The following MAP3K13 variants were observed in gnomAD, a reference collection of about 807,000 sequenced individuals.
MAP3K13 encodes the protein leucine zipper-bearing kinase.
In MAP3K13, 52 loss-of-function variants were observed where a neutral mutation model predicts 104.0. The observed-to-expected ratio is 0.50, with a 90% CI of 0.40 to 0.63. The LOEUF is 0.63. MAP3K13 is among the 20% of genes least tolerant of loss of function. MAP3K13 has a pLI of 0.00. For synonymous variants in MAP3K13, 394 were observed against 442.2 expected, an observed-to-expected ratio of 0.89 and a Z score of 1.37; for missense variants, 914 against 1,218.5, an observed-to-expected ratio of 0.75 and a Z score of 3.72.
chr3:185,393,526 T>C (rs1036311706), intron 1 of MAP3K13, among the ~76,000 whole-genome samples: 3 of 151,618 alleles, frequency 2.0e-5, no homozygotes, highest in African/African-American at 7.3e-5. Context: ...TGGCGTGATC[T>C]CAGCTCACTG....
At chr3:185,301,068 G>A (rs1230370505) in intron 2 of MAP3K13, among the ~76,000 whole-genome samples, 1 of 152,022 alleles carries the variant, frequency 6.6e-6, no homozygotes, top group Non-Finnish European at 1.5e-5. Flanking sequence ...CCCACCAACA[G>A]TGTACAGAGA....
intron 2 of MAP3K13, among the ~76,000 whole-genome samples, chr3:185,345,070 C>T (rs1329680234): frequency 2.0e-5 from 3 of 152,102 alleles, no homozygotes; most frequent in African/African-American, 7.2e-5. Flanking sequence ...ACTATGTTGG[C>T]CAGGCTGGTC....
intron 12 of MAP3K13, among the ~76,000 whole-genome samples, chr3:185,479,241 A>T (rs1279855913): frequency 3.3e-5 from 5 of 152,202 alleles, no homozygotes; most frequent in African/African-American, 1.2e-4. Flanking sequence ...CTCCAGGGCC[A>T]CCATGCCCAG....
chr3:185,300,539 T>C (rs966731157), intron 2 of MAP3K13, among the ~76,000 whole-genome samples: 4 of 151,246 alleles, frequency 2.6e-5, no homozygotes, highest in Non-Finnish European at 5.9e-5. Context: ...TTGCCCAGGC[T>C]GGAGTGCAAT....
At chr3:185,430,608 A>G (rs1202516515) in intron 2 of MAP3K13, among the ~76,000 whole-genome samples, 1 of 152,210 alleles carries the variant, frequency 6.6e-6, no homozygotes, top group Non-Finnish European at 1.5e-5. Context: ...GACTCTGTCC[A>G]TGTCCTCGCA....
intron 1 of MAP3K13, among the ~76,000 whole-genome samples, chr3:185,399,653 AAAAAGGAG>A (rs1372825386): frequency 3.3e-4 from 1 of 3,026 alleles, no homozygotes; most frequent in African/African-American, 2.4e-3. Flanking sequence ...GGAGGGAGGA[AAAAAGGAG>A]GGAAGGAAGG....
intron 1 of MAP3K13, among the ~76,000 whole-genome samples, chr3:185,376,823 GC>G (rs1308397807): frequency 1.3e-5 from 2 of 152,090 alleles, no homozygotes; most frequent in African/African-American, 4.8e-5. Context: ...GTGTTTTCAT[GC>G]AGAATTATGT....
At chr3:185,464,773 T>C (rs1185424653) in intron 8 of MAP3K13, among the ~76,000 whole-genome samples, 1 of 152,194 alleles carries the variant, frequency 6.6e-6, no homozygotes, top group Non-Finnish European at 1.5e-5. Flanking sequence ...CAGAAATGTA[T>C]TGGTCACAGT....
chr3:185,399,626 C>CGGGGCGGGG (rs1452317066), intron 1 of MAP3K13, among the ~76,000 whole-genome samples: 20 of 312 alleles, frequency 0.064, 7 homozygotes, highest in Admixed American at 0.17. Flanking sequence ...GAGAGAAAGG[C>CGGGGCGGGG]GGGGGGGGGG....
chr3:185,351,803 T>C (rs1723148591), intron 2 of MAP3K13, among the ~76,000 whole-genome samples: 1 of 152,162 alleles, frequency 6.6e-6, no homozygotes, highest in Non-Finnish European at 1.5e-5. Context: ...ATTTGGTGCC[T>C]CATAAAAGGA....
chr3:185,333,382 A>T (rs1386156731), intron 2 of MAP3K13, among the ~76,000 whole-genome samples: 1 of 152,220 alleles, frequency 6.6e-6, no homozygotes, highest in African/African-American at 2.4e-5. Flanking sequence ...CTAGTATGAT[A>T]AGGCAAAAAC....
At chr3:185,454,880 T>C (rs62649259) in intron 7 of MAP3K13, among the ~76,000 whole-genome samples, 2,748 of 53,202 alleles carry the variant, frequency 0.052, 276 homozygotes, top group African/African-American at 0.11. Flanking sequence ...GAGATATATA[T>C]ATGATATATA....
intron 1 of MAP3K13, among the ~76,000 whole-genome samples, chr3:185,390,938 T>C (rs540879776): frequency 1.3e-5 from 2 of 152,194 alleles, no homozygotes; most frequent in African/African-American, 4.8e-5. Context: ...TCCTTTCTTA[T>C]ACCTGCATCA....
intron 2 of MAP3K13, among the ~76,000 whole-genome samples, chr3:185,348,496 C>A (rs1723016032): frequency 6.6e-6 from 1 of 152,150 alleles, no homozygotes; most frequent in Non-Finnish European, 1.5e-5. Flanking sequence ...GTTAGACAAG[C>A]ATTTTCTGTA....
rs546655974 is a variant in MAP3K13 at position 185,321,552 on chromosome 3, CAT to C, written c.-86+35910_-86+35911del. On this transcript the variant is annotated intron_variant, in intron 2 of 14. Coordinates refer to the MAP3K13 transcript ENST00000424227. ...ACAAAGTGTTTATTGTGATTTGCCA[CAT>C]GTGGCCATATTCTTATTTTTTTATT... is the stretch of plus-strand genomic sequence containing the variant. 3.6e-3 allele frequency among the ~76,000 whole-genome samples: 554 copies of C among 152,276 alleles called. 5 individuals carry two copies. The highest frequency in any genetic ancestry group is 0.013 in the African/African-American group (535 of 41,556).
chr3:185,437,779 T>A, intron 3 of MAP3K13, 149 bp downstream of exon 3: 1 of 742,848 alleles, frequency 1.3e-6, no homozygotes, highest in Non-Finnish European at 2.1e-6. Flanking sequence ...AAGGAACTAT[T>A]AAATTGGAGT....
At position 185,424,293 on chromosome 3, in the gene MAP3K13, G is replaced by T. The variant is rs143825334; in HGVS notation, c.-85-4204G>T. Among the ~76,000 whole-genome samples, 22 of 152,252 alleles carry T rather than the reference G, an allele frequency of 1.4e-4. No homozygotes were observed. In the East Asian group the frequency reaches 4.2e-3, roughly 29 times the overall value. ...TAGGGATCAAAAACTTAGATCAAAT[G>T]ATCACAGATAACAGCATTTTTTAAC... On this transcript the variant is annotated intron_variant, in intron 1 of 13. Transcript: ENST00000265026.
intron 1 of MAP3K13, among the ~76,000 whole-genome samples, chr3:185,399,389 G>A (rs946657823): frequency 4.0e-5 from 6 of 151,766 alleles, no homozygotes; most frequent in African/African-American, 1.5e-4. Context: ...CGGATCATGA[G>A]GTCAGGAGTT....
At chr3:185,378,364 T>C (rs928907492) in intron 1 of MAP3K13, among the ~76,000 whole-genome samples, 9 of 152,220 alleles carry the variant, frequency 5.9e-5, no homozygotes, top group Admixed American at 4.6e-4. Context: ...TTTTTATATT[T>C]GATGAAAAAG....
Sources: gnomAD v4.1 joint callset for allele counts (sites outside exome capture counted in the v4.1 genomes callset) on GRCh38, gnomAD v4.1.1 for gene constraint, MANE v1.5 for transcripts, NCBI Gene and HGNC (gene_info 2026-07-23, HGNC 2026-07-21) for gene names.